Variants in RBFOX1 observed in about 807,000 individuals in gnomAD.
RBFOX1 encodes the protein RNA binding protein fox-1 homolog 1.
In RBFOX1, 8 loss-of-function variants were observed where a neutral mutation model predicts 57.7. The observed-to-expected ratio is 0.14, with a 90% CI of 0.08 to 0.25. The LOEUF (loss-of-function observed/expected upper bound fraction) is 0.25, where lower values mean the gene tolerates loss of function less well. RBFOX1 is among the 10% of genes least tolerant of loss of function. The pLI is 1.00. For missense variants in RBFOX1, 611 were observed against 548.5 expected (o/e 1.11, Z -1.14); for synonymous variants, 326 against 222.4 (o/e 1.47, Z -4.15).
rs548521051 is a variant in RBFOX1, at chr16:5,247,534, G to C, written c.219+7429G>C. ...TCTACAAGATGGATGGGTCCTTGGA[G>C]ATCACGCTGTAGCAGAGGAGGCAGG... On this transcript the variant is annotated intron_variant, in intron 1 of 2. Coordinates refer to the RBFOX1 transcript ENST00000585867. Among the ~76,000 whole-genome samples the C allele has an allele frequency of 3.3e-5, 5 of 152,312 alleles. No individual in the cohort carries two copies. The South Asian group carries it at 1.0e-3, about 32-fold the overall frequency.
At chr16:6,083,341 C>A (rs932652126) in intron 1 of RBFOX1, among the ~76,000 whole-genome samples, 1 of 152,148 alleles carries the variant, frequency 6.6e-6, no homozygotes, top group Admixed American at 6.5e-5. Context: ...GCTTTATTAG[C>A]TGTAGTCACA....
At chr16:7,271,025 T>G (rs537562980) in intron 4 of RBFOX1, among the ~76,000 whole-genome samples, 1 of 152,262 alleles carries the variant, frequency 6.6e-6, no homozygotes, top group South Asian at 2.1e-4. Context: ...CTGCTTAAAT[T>G]GCTGGGTAAT....
intron 2 of RBFOX1, among the ~76,000 whole-genome samples, chr16:6,563,292 A>C (rs1311693161): frequency 1.3e-5 from 2 of 152,184 alleles, no homozygotes. Flanking sequence ...ATTCTTTATG[A>C]ACATTTACTG....
At chr16:6,896,659 G>A (rs2066992340) in intron 3 of RBFOX1, among the ~76,000 whole-genome samples, 2 of 152,142 alleles carry the variant, frequency 1.3e-5, no homozygotes, top group East Asian at 3.9e-4. Flanking sequence ...CAGTGCTTGG[G>A]CATCATCAAC....
At chr16:5,524,087 G>C (rs145089486) in intron 2 of RBFOX1, among the ~76,000 whole-genome samples, 7 of 152,348 alleles carry the variant, frequency 4.6e-5, no homozygotes, top group East Asian at 1.9e-4. Context: ...GAAAGTGTCA[G>C]ATTCCTTCCA....
At chr16:6,278,881 G>A (rs1019158184) in intron 1 of RBFOX1, among the ~76,000 whole-genome samples, 14 of 152,014 alleles carry the variant, frequency 9.2e-5, no homozygotes, top group Non-Finnish European at 7.4e-5. Context: ...ATCTTAAATC[G>A]TTGGTGATTT....
At chr16:6,623,568 A>G (rs965113382) in intron 2 of RBFOX1, among the ~76,000 whole-genome samples, 10 of 151,900 alleles carry the variant, frequency 6.6e-5, no homozygotes, top group East Asian at 1.9e-4. Flanking sequence ...AACATTAGGT[A>G]TATCTCCTAA....
At chr16:5,757,198 G>A (rs2053428504) in intron 3 of RBFOX1, among the ~76,000 whole-genome samples, 1 of 151,588 alleles carries the variant, frequency 6.6e-6, no homozygotes, top group East Asian at 2.0e-4. Flanking sequence ...TGAAGAGCGT[G>A]GCGGGGAAGG....
intron 1 of RBFOX1, among the ~76,000 whole-genome samples, chr16:5,323,855 A>T (rs1266709353): frequency 6.6e-6 from 1 of 152,204 alleles, no homozygotes; most frequent in Non-Finnish European, 1.5e-5. Flanking sequence ...TAGACTGGGG[A>T]TAAATGGGTT....
intron 5 of RBFOX1, among the ~76,000 whole-genome samples, chr16:7,573,212 G>A (rs1349294683): frequency 1.3e-5 from 2 of 151,888 alleles, no homozygotes; most frequent in African/African-American, 2.4e-5. Flanking sequence ...CAGGCAAAGG[G>A]CAGAATGAAT....
intron 3 of RBFOX1, among the ~76,000 whole-genome samples, chr16:5,794,793 A>G (rs181384835): frequency 6.6e-5 from 10 of 152,312 alleles, no homozygotes; most frequent in African/African-American, 2.4e-4. Flanking sequence ...TGACTGCTAA[A>G]CCAATATTAA....
intron 2 of RBFOX1, among the ~76,000 whole-genome samples, chr16:6,393,378 G>A (rs1039434575): frequency 2.0e-5 from 3 of 152,164 alleles, no homozygotes; most frequent in African/African-American, 7.2e-5. Context: ...CGGATACAGG[G>A]AAGGACAGCT....
chr16:6,157,263 C>T (rs1313244131), intron 1 of RBFOX1, among the ~76,000 whole-genome samples: 2 of 152,006 alleles, frequency 1.3e-5, no homozygotes, highest in African/African-American at 4.8e-5. Context: ...TTTCAGTGTA[C>T]ACAGCAAACA....
At chr16:5,900,153 G>T (rs1352466879) in intron 4 of RBFOX1, among the ~76,000 whole-genome samples, 1 of 152,184 alleles carries the variant, frequency 6.6e-6, no homozygotes, top group Non-Finnish European at 1.5e-5. Context: ...TGTTTGGGCA[G>T]TTTATTGACT....
intron 4 of RBFOX1, among the ~76,000 whole-genome samples, chr16:7,451,939 A>G (rs2098866791): frequency 6.6e-6 from 1 of 152,074 alleles, no homozygotes. Flanking sequence ...TGGGTATGGA[A>G]TGAGGTGGGG....
intron 3 of RBFOX1, among the ~76,000 whole-genome samples, chr16:6,657,423 C>T (rs1369719005): frequency 2.0e-4 from 30 of 152,038 alleles, no homozygotes; most frequent in Non-Finnish European, 4.3e-4. Context: ...GCGTGCCCCT[C>T]ACCCCAGCAG....
At chr16:5,267,093 C>T (rs1008520681) in intron 1 of RBFOX1, among the ~76,000 whole-genome samples, 2 of 151,124 alleles carry the variant, frequency 1.3e-5, no homozygotes, top group African/African-American at 4.9e-5. Flanking sequence ...TTGTGTACAT[C>T]TCTGCATAAA....
intron 3 of RBFOX1, among the ~76,000 whole-genome samples, chr16:5,732,019 A>T (rs1453816924): frequency 6.6e-6 from 1 of 152,194 alleles, no homozygotes; most frequent in Non-Finnish European, 1.5e-5. Flanking sequence ...CCCTTGCAAG[A>T]CAGCCTCATT....
At chr16:6,996,457 A>G (rs566741705) in intron 3 of RBFOX1, among the ~76,000 whole-genome samples, 1 of 152,178 alleles carries the variant, frequency 6.6e-6, no homozygotes, top group African/African-American at 2.4e-5. Flanking sequence ...TGATACATAC[A>G]TGTGTATATA....
Sources: gnomAD v4.1 joint callset for allele counts (sites outside exome capture counted in the v4.1 genomes callset) on GRCh38, gnomAD v4.1.1 for gene constraint, MANE v1.5 for transcripts, NCBI Gene and HGNC (gene_info 2026-07-23, HGNC 2026-07-21) for gene names.